PARG: variants seen among roughly 807,000 people sequenced by gnomAD.
PARG encodes poly(ADP-ribose) glycohydrolase.
In PARG, 35 loss-of-function variants were observed where a neutral mutation model predicts 113.0. The ratio of observed to expected loss-of-function variants is 0.31; its 90% CI spans 0.24 to 0.41. The LOEUF (loss-of-function observed/expected upper bound fraction) is 0.41, where lower values mean the gene tolerates loss of function less well. PARG is among the 10% of genes least tolerant of loss of function. PARG has a pLI of 1.00. For missense variants in PARG, 797 were observed against 1,169.4 expected, an observed-to-expected ratio of 0.68 and a Z score of 4.64; for synonymous variants, 330 against 409.9, an observed-to-expected ratio of 0.81 and a Z score of 2.36.
At chr10:49,823,865 T>C (rs1844226704) in intron 16 of PARG, among the ~76,000 whole-genome samples, 1 of 152,220 alleles carries the variant, frequency 6.6e-6, no homozygotes, top group Admixed American at 6.5e-5. Flanking sequence ...GAATTTATTT[T>C]ATATTAAGAG....
At chr10:49,904,490 G>C (rs1848485425) in intron 7 of PARG, among the ~76,000 whole-genome samples, 1 of 151,822 alleles carries the variant, frequency 6.6e-6, no homozygotes, top group Non-Finnish European at 1.5e-5. Flanking sequence ...TGTCAAGGTA[G>C]GTTCATCAAT....
At chr10:49,938,287 AAT>A (rs1487292858) in intron 1 of PARG, among the ~76,000 whole-genome samples, 4 of 152,326 alleles carry the variant, frequency 2.6e-5, no homozygotes, top group South Asian at 4.1e-4. Context: ...CAAAGCACTC[AAT>A]ATGTTATCTC....
intron 1 of PARG, among the ~76,000 whole-genome samples, chr10:49,941,104 G>A (rs1371976135): frequency 1.3e-5 from 2 of 152,228 alleles, no homozygotes; most frequent in Non-Finnish European, 2.9e-5. Context: ...TACAATGCCA[G>A]CTTAAACTAA....
intron 7 of PARG, among the ~76,000 whole-genome samples, chr10:49,899,733 G>A (rs1405585970): frequency 6.6e-6 from 1 of 150,868 alleles, no homozygotes; most frequent in Non-Finnish European, 1.5e-5. Flanking sequence ...GGTCAGCTGT[G>A]GTGACACATA....
At chr10:49,892,954 T>C (rs4012657) in intron 7 of PARG, among the ~76,000 whole-genome samples, 1 of 152,206 alleles carries the variant, frequency 6.6e-6, no homozygotes, top group Non-Finnish European at 1.5e-5. Flanking sequence ...TATGAATACA[T>C]CCACAATTTG....
At chr10:49,915,856 T>C (rs1554847445) in intron 7 of PARG, 61 bp downstream of exon 7, 4 of 870,834 alleles carry the variant, frequency 4.6e-6, no homozygotes, top group Non-Finnish European at 7.5e-6. Flanking sequence ...TGGGTATTCT[T>C]CTCAAACCTT....
chr10:49,920,451 T>TAAAAAAA (rs781928566), intron 6 of PARG, among the ~76,000 whole-genome samples: 1 of 39,856 alleles, frequency 2.5e-5, no homozygotes, highest in Non-Finnish European at 4.4e-5. Flanking sequence ...AGCCTCAAAT[T>TAAAAAAA]AAAAAAAAAA....
At chr10:49,932,766 A>G (rs1333551094) in intron 3 of PARG, among the ~76,000 whole-genome samples, 4 of 151,870 alleles carry the variant, frequency 2.6e-5, no homozygotes, top group African/African-American at 7.3e-5. Flanking sequence ...CCCAAATCTC[A>G]GTTATCTCAT....
In PARG at chr10:49,841,935, A is replaced by C; in HGVS notation, c.2541+15T>G. Reference sequence around the variant, plus strand: ...ATGACAGCTGCCAGATGAACTAAGAAATAAGGTTACTGGCCTTGTTCAGCT... The same window carrying C: ...ATGACAGCTGCCAGATGAACTAAGACATAAGGTTACTGGCCTTGTTCAGCT... On this transcript the variant is annotated intron_variant, in intron 15 of 17. Transcript: ENST00000616448. The C allele has an allele frequency of 6.7e-7, 1 of 1,491,542 alleles. No individual in the cohort carries two copies. The highest frequency in any genetic ancestry group is 1.4e-5 in the African/African-American group (1 of 72,214). The allele number at this position is 1,491,542 out of a possible 1,614,324, so 92.4% of individuals were successfully genotyped here. A position where few individuals can be genotyped will look rare whatever the true frequency, so the allele number is the denominator to read the frequency against.
intron 13 of PARG, among the ~76,000 whole-genome samples, chr10:49,849,109 C>T (rs1464381774): frequency 6.6e-6 from 1 of 151,880 alleles, no homozygotes; most frequent in Non-Finnish European, 1.5e-5. Context: ...GCAGGAGAAT[C>T]GCTTGAACCT....
intron 15 of PARG, among the ~76,000 whole-genome samples, chr10:49,836,307 C>T (rs1487901141): frequency 2.5e-4 from 12 of 48,002 alleles, no homozygotes; most frequent in Admixed American, 1.3e-3. Context: ...TTTCTTACGA[C>T]TTTTTTTTTT....
chr10:49,846,213 AAGC>A (rs1845500406), intron 13 of PARG, among the ~76,000 whole-genome samples: 2 of 151,426 alleles, frequency 1.3e-5, no homozygotes, highest in Non-Finnish European at 3.0e-5. Flanking sequence ...CGCTAAGCAA[AAGC>A]AGCAAGATAC....
chr10:49,848,752 G>T (rs1845627260), intron 13 of PARG, among the ~76,000 whole-genome samples: 1 of 151,954 alleles, frequency 6.6e-6, no homozygotes, highest in Admixed American at 6.6e-5. Context: ...TAGTAGCAAT[G>T]AATAATTAAA....
intron 7 of PARG, among the ~76,000 whole-genome samples, chr10:49,891,733 G>T (rs1188547242): frequency 6.8e-6 from 1 of 147,284 alleles, no homozygotes; most frequent in Non-Finnish European, 1.5e-5. Flanking sequence ...AGATTCAAGC[G>T]ATTCTCCTGC....
chr10:49,895,467 G>A (rs879956734), intron 7 of PARG, among the ~76,000 whole-genome samples: 3 of 151,596 alleles, frequency 2.0e-5, no homozygotes, highest in Admixed American at 6.6e-5. Context: ...GCAATGGCAT[G>A]ATCTCGGCTC....
intron 1 of PARG, among the ~76,000 whole-genome samples, chr10:49,937,471 G>A (rs1321852787): frequency 4.3e-5 from 6 of 139,412 alleles, no homozygotes; most frequent in African/African-American, 1.3e-4. Flanking sequence ...GTGAGACTCT[G>A]TCTCAAAAAA....
chr10:49,832,936 T>A, intron 15 of PARG, 28 bp from the exon 16 acceptor site: 1 of 1,191,932 alleles, frequency 8.4e-7, no homozygotes, highest in South Asian at 1.3e-5. Flanking sequence ...TATCAAAGCC[T>A]GTGAGTGCCT....
rs1838523999 is a variant in PARG, at chr10:49,932,194, A to C, written c.1361T>G (p.Leu454Arg). The C allele has an allele frequency of 2.5e-6, 4 of 1,603,022 alleles. No individual in the cohort carries two copies. The highest frequency in any genetic ancestry group is 3.4e-6 in the Non-Finnish European group (4 of 1,169,850). Residue 454 changes from leucine (L) to arginine (R), a missense_variant, in exon 4 of 18, where the codon CTT (leucine) becomes CGT (arginine). Transcript: ENST00000616448. ...PPHLSPDKKW[L>R]GTPIEEMRRM... Reference sequence around the variant, plus strand: ...TCTCATCTCCTCAATGGGAGTTCCAAGCCACTTCTTATCTGGAGAAAGGTG... The same window carrying C: ...TCTCATCTCCTCAATGGGAGTTCCACGCCACTTCTTATCTGGAGAAAGGTG...
intron 10 of PARG, chr10:49,867,371 G>C (rs536165163): frequency 6.8e-6 from 1 of 146,310 alleles, no homozygotes; most frequent in East Asian, 2.0e-4. Context: ...CCAGCCTTGT[G>C]GGTCATGTCT....
Sources: allele counts gnomAD v4.1 joint callset (sites outside exome capture counted in the v4.1 genomes callset), GRCh38; gene constraint gnomAD v4.1.1; transcripts MANE v1.5; gene names NCBI Gene and HGNC (gene_info 2026-07-23, HGNC 2026-07-21).